NFATC3: variants seen among roughly 807,000 people sequenced by gnomAD.
NFATC3 encodes the protein nuclear factor of activated T-cells, cytoplasmic 3.
In NFATC3, 46 loss-of-function variants were observed where a neutral mutation model predicts 98.6. The ratio of observed to expected loss-of-function variants is 0.47; its 90% CI spans 0.37 to 0.60. NFATC3 has a LOEUF of 0.60. NFATC3 is among the 20% of genes least tolerant of loss of function. The pLI is 0.00. For synonymous variants in NFATC3, 512 were observed against 472.2 expected, an observed-to-expected ratio of 1.08 and a Z score of -1.09; for missense variants, 1,256 against 1,295.5, an observed-to-expected ratio of 0.97 and a Z score of 0.47.
chr16:68,122,633 T>A lies in NFATC3; in HGVS notation c.750T>A (p.Thr250=). The change falls in exon 2 of 10, where the codon ACT becomes ACA. Residue 250 remains threonine (T), a synonymous_variant. Transcript: ENST00000346183. ...GCCACTCTCCTAGATCCAGTGTCAC[T>A]GATGAGAATTGGCTGAGCCCCAGGC... The part of the protein sequence containing the change: ...SPCHSPRSSV[T]DENWLSPRPA... 1 of 1,614,132 alleles carries A rather than the reference T, an allele frequency of 6.2e-7. No individual in the cohort carries two copies. The highest frequency in any genetic ancestry group is 8.5e-7 in the Non-Finnish European group (1 of 1,180,034).
rs2035189192 is a variant in NFATC3 at position 68,098,901 on chromosome 16, C to T, written c.103+13117C>T. On this transcript the variant is annotated intron_variant, in intron 1 of 9. Coordinates refer to ENST00000346183, the MANE Select transcript of NFATC3 (RefSeq NM_173165.3). Reference sequence around the variant, plus strand: ...TTTATTTTGAAATAATTAATAGATCCACAGGAAGTTGTAAATAAAATGTAA... The same window carrying T: ...TTTATTTTGAAATAATTAATAGATCTACAGGAAGTTGTAAATAAAATGTAA... Among the ~76,000 whole-genome samples the T allele has an allele frequency of 2.0e-5, 3 of 152,148 alleles. 1 individual carries two copies. In the Middle Eastern group the frequency reaches 0.01, roughly 518 times the overall value.
intron 9 of NFATC3, among the ~76,000 whole-genome samples, chr16:68,203,786 C>T (rs1023150030): frequency 9.2e-5 from 14 of 152,116 alleles, no homozygotes; most frequent in Non-Finnish European, 2.1e-4. Context: ...CGCGGTGGCT[C>T]GTGCCTGTAA....
In NFATC3 at chr16:68,226,422, C is replaced by T; in HGVS notation, c.3179C>T (p.Pro1060Leu). 6.4e-7 allele frequency: 1 copy of T among 1,569,174 alleles called. No homozygotes were observed. Among genetic ancestry groups the T allele is most frequent in the Non-Finnish European group, 8.6e-7 (1 of 1,162,188 alleles). Residue 1060 changes from proline to leucine, a missense_variant, in exon 10 of 10, where the codon CCC becomes CTC. Transcript: ENST00000346183. ...GGAGCAGGGGTGAGCAGGCAGGCTC[C>T]CCTCCCGAGTCCTGAGTCCCTGGAT... ...SQGAGVSRQAPLPSPESLDLG... is the reference protein window; with the variant it reads ...SQGAGVSRQALLPSPESLDLG...
chr16:68,199,504 G>A (rs867987816), intron 9 of NFATC3, among the ~76,000 whole-genome samples: 13 of 149,806 alleles, frequency 8.7e-5, no homozygotes, highest in African/African-American at 2.7e-4. Context: ...GATTACAGGC[G>A]TGAGCCACCG....
Position 68,122,763 on chromosome 16 carries a change from G to C in NFATC3, c.880G>C (p.Val294Leu). The change falls in exon 2 of 10, where the codon GTT becomes CTT. Residue 294 changes from valine (V) to leucine (L), a missense_variant. Val to Leu is a conservative substitution (Grantham distance 32). Transcript: ENST00000346183. ...GTCCCTTTCACCCCATCACTCACCTGTTCCTTCACCTGGTCACTCCCCCAG... is the reference window on the plus strand; with the variant it reads ...GTCCCTTTCACCCCATCACTCACCTCTTCCTTCACCTGGTCACTCCCCCAG... Reference protein sequence around the residue: ...AGSLSPHHSPVPSPGHSPRGS... With the variant: ...AGSLSPHHSPLPSPGHSPRGS... 3 of 1,614,228 alleles carry C rather than the reference G, an allele frequency of 1.9e-6. No individual in the cohort carries two copies. Among genetic ancestry groups the C allele is most frequent in the Non-Finnish European group, 2.5e-6 (3 of 1,180,036 alleles).
intron 9 of NFATC3, among the ~76,000 whole-genome samples, chr16:68,208,740 C>A (rs1228676069): frequency 4.6e-5 from 7 of 150,572 alleles, no homozygotes; most frequent in African/African-American, 9.9e-5. Flanking sequence ...AAAAAAAAAA[C>A]CCCAAAACAA....
At position 68,099,660 on chromosome 16, in the gene NFATC3, A is replaced by G. The variant is rs983508782; in HGVS notation, c.103+13876A>G. 2.6e-5 allele frequency among the ~76,000 whole-genome samples: 4 copies of G among 151,948 alleles called. No homozygotes were observed. In the East Asian group the frequency reaches 7.7e-4, roughly 29 times the overall value. On this transcript the variant is annotated intron_variant, in intron 1 of 9. Coordinates refer to ENST00000346183, the MANE Select transcript of NFATC3 (RefSeq NM_173165.3). The stretch of plus-strand genomic sequence containing the variant: ...AAATATAGAACTGTTTCATCTCACT[A>G]ACTTCTTTATAAGCACATCCTTTTC...
At chr16:68,113,011 T>C (rs2096654094) in intron 1 of NFATC3, among the ~76,000 whole-genome samples, 1 of 152,186 alleles carries the variant, frequency 6.6e-6, no homozygotes, top group African/African-American at 2.4e-5. Flanking sequence ...GGTTTTTCGC[T>C]TCTTTGCCTT....
rs374883843 is a variant in NFATC3, at chr16:68,197,602, AGTCATAGAAC to A, written c.3106+5828_3106+5837del. ...ACCCTGTCTCTGAGTATTTTAAGTG[AGTCATAGAAC>A]ATACCAGAAAGGATTGAAAGTGACT... is the stretch of plus-strand genomic sequence containing the variant. On this transcript the variant is annotated intron_variant, in intron 9 of 9. Transcript: ENST00000346183. 1.6e-3 allele frequency among the ~76,000 whole-genome samples: 240 copies of A among 152,324 alleles called. 2 individuals are homozygous for A. Among genetic ancestry groups the A allele is most frequent in the African/African-American group, 5.1e-3 (211 of 41,580 alleles).
At position 68,170,349 on chromosome 16, in the gene NFATC3, C is replaced by T. The variant is rs569697725; in HGVS notation, c.1774+3334C>T. Among the ~76,000 whole-genome samples the T allele has an allele frequency of 2.3e-4, 32 of 140,908 alleles. 1 individual carries two copies. The highest frequency in any genetic ancestry group is 1.4e-3 in the Admixed American group (19 of 13,552). The allele number at this position is 140,908 out of a possible 152,430, so 92.4% of individuals were successfully genotyped here. ...GGGTTGCAGTGAGCCGAGATCATGC[C>T]GTTGTACTTCATCCTGGCAACAACG... On this transcript the variant is annotated intron_variant, in intron 5 of 9. Transcript: ENST00000346183.
chr16:68,183,320 T>C lies in NFATC3; in HGVS notation c.2052T>C (p.Asn684=), dbSNP rs765641386. ...AAVQVHFYLC[N]GKRKKSQSQR... is the part of the protein sequence containing the mutation. ...TGCAGGTGCACTTTTATCTTTGCAA[T>C]GGCAAGAGGAAAAAAAGCCAGTCTC... The change falls in exon 8 of 10, where the codon AAT becomes AAC. Residue 684 remains asparagine (N), a synonymous_variant. Transcript: ENST00000346183. The C allele has an allele frequency of 6.2e-7, 1 of 1,613,100 alleles. No individual in the cohort carries two copies. The highest frequency in any genetic ancestry group is 8.5e-7 in the Non-Finnish European group (1 of 1,179,686).
chr16:68,101,973 C>G (rs1327659419), intron 1 of NFATC3, among the ~76,000 whole-genome samples: 1 of 152,096 alleles, frequency 6.6e-6, no homozygotes, highest in Non-Finnish European at 1.5e-5. Flanking sequence ...CTTTGCATTT[C>G]TGTTATTGTG....
chr16:68,103,717 T>G (rs2035492212), intron 1 of NFATC3, among the ~76,000 whole-genome samples: 1 of 152,246 alleles, frequency 6.6e-6, no homozygotes, highest in African/African-American at 2.4e-5. Flanking sequence ...AGTTAATTTT[T>G]GTATATGGTA....
chr16:68,171,712 T>TA (rs1438537346), intron 5 of NFATC3, among the ~76,000 whole-genome samples: 2 of 152,032 alleles, frequency 1.3e-5, no homozygotes, highest in African/African-American at 4.8e-5. Flanking sequence ...TGACCTCAGG[T>TA]GATCCACCTG....
chr16:68,092,446 C>G (rs545828275), intron 1 of NFATC3, among the ~76,000 whole-genome samples: 1 of 142,452 alleles, frequency 7.0e-6, no homozygotes, highest in East Asian at 2.1e-4. Context: ...GAGTAAAACT[C>G]TCTCTCAAAA....
rs1175759887 is a variant in NFATC3, at chr16:68,085,402, C to T, written c.-280C>T. ...GAGAGCGCACCCGCGGCGGCGGTGG[C>T]GGCGACTGTGGGGGGGCGGCGGGGA... On this transcript the variant is annotated 5_prime_UTR_variant, in exon 1 of 10. Transcript: ENST00000346183. 5 of 185,026 alleles carry T rather than the reference C, an allele frequency of 2.7e-5. No individual in the cohort carries two copies. The highest frequency in any genetic ancestry group is 9.2e-5 in the Admixed American group (1 of 10,828). 11.5% of individuals were successfully genotyped at this position (185,026 alleles called of 1,614,324 possible).
chr16:68,152,115 C>T (rs1467561184), intron 3 of NFATC3, among the ~76,000 whole-genome samples: 2 of 149,456 alleles, frequency 1.3e-5, no homozygotes, highest in Non-Finnish European at 3.0e-5. Context: ...ATAATCCCAG[C>T]ACTTTGAGAG....
chr16:68,181,364 GA>G, intron 6 of NFATC3, 110 bp from the exon 7 acceptor site: 1 of 741,090 alleles, frequency 1.3e-6, no homozygotes, highest in Non-Finnish European at 2.4e-6. Context: ...GAAGTCAGTG[GA>G]AAAAAGATCC....
rs1241835522 is a variant in NFATC3 at position 68,192,224 on chromosome 16, A to ATAT, written c.3106+449_3106+450insTAT. 60 of 67,076 alleles carry ATAT rather than the reference A, an allele frequency of 8.9e-4. 3 individuals are homozygous for ATAT. In the East Asian group the frequency reaches 0.018, roughly 20 times the overall value. The allele number at this position is 67,076 out of a possible 1,614,324, so 4.2% of individuals were successfully genotyped here. ...CTCCGTCTCGGGAAAAAAAAAAAAA[A>ATAT]AAAAAAATATATATATATATATATA... On this transcript the variant is annotated intron_variant, in intron 9 of 9. Coordinates refer to ENST00000346183, the MANE Select transcript of NFATC3 (RefSeq NM_173165.3).
Sources: allele counts gnomAD v4.1 joint callset (sites outside exome capture counted in the v4.1 genomes callset), GRCh38; gene constraint gnomAD v4.1.1; transcripts MANE v1.5; gene names NCBI Gene and HGNC (gene_info 2026-07-23, HGNC 2026-07-21).